The following PDSS2 variants were observed in gnomAD, a reference collection of about 807,000 sequenced individuals.
The protein encoded by PDSS2 is decaprenyl diphosphate synthase subunit 2, also known as all trans-polyprenyl-diphosphate synthase PDSS2.
A neutral mutation model predicts 44.5 loss-of-function variants in PDSS2; 31 were observed. That is an observed-to-expected ratio of 0.70 (90% CI 0.52 to 0.94). PDSS2 has a LOEUF of 0.94. Among genes scored for constraint, PDSS2 ranks in the 40% least tolerant of loss-of-function variants. The pLI is 0.00. For missense variants in PDSS2, 452 were observed against 482.2 expected (o/e 0.94, Z 0.59); for synonymous variants, 157 against 180.3 (o/e 0.87, Z 1.03).
In PDSS2 at chr6:107,154,287, G is replaced by A. The variant is rs1770806293; in HGVS notation, c.*332C>T. ...CTAGCAGGAAAAACCACAGGCCACC[G>A]CCCTGGCGCCATCCCTGGCTCGGTC... On this transcript the variant is annotated 3_prime_UTR_variant, in exon 8 of 8. Coordinates refer to ENST00000369037, the MANE Select transcript of PDSS2 (RefSeq NM_020381.4). The A allele has an allele frequency of 2.9e-6, 1 of 343,640 alleles. No homozygotes were observed. The allele number at this position is 343,640 out of a possible 1,614,324, so 21.3% of individuals were successfully genotyped here.
intron 1 of PDSS2, among the ~76,000 whole-genome samples, chr6:107,434,553 C>A (rs1000506965): frequency 1.3e-5 from 2 of 152,070 alleles, no homozygotes; most frequent in African/African-American, 2.4e-5. Context: ...AAAATTAAAA[C>A]AATTGAACTT....
chr6:107,281,801 G>A (rs1775967472), intron 2 of PDSS2, among the ~76,000 whole-genome samples: 1 of 152,120 alleles, frequency 6.6e-6, no homozygotes, highest in African/African-American at 2.4e-5. Flanking sequence ...CTCTCTCCCT[G>A]CCACCCCCTT....
At chr6:107,290,345 T>C (rs1430092415) in intron 2 of PDSS2, among the ~76,000 whole-genome samples, 2 of 152,190 alleles carry the variant, frequency 1.3e-5, no homozygotes, top group Non-Finnish European at 2.9e-5. Context: ...TGAAAGATAC[T>C]TTTTAGATGT....
At chr6:107,240,427 A>T (rs1284154016) in intron 4 of PDSS2, among the ~76,000 whole-genome samples, 1 of 139,562 alleles carries the variant, frequency 7.2e-6, no homozygotes, top group African/African-American at 2.7e-5. Context: ...TTGAAACTGC[A>T]GTCTCACTCT....
At chr6:107,221,493 G>GAT (rs922972009) in intron 4 of PDSS2, among the ~76,000 whole-genome samples, 15 of 151,372 alleles carry the variant, frequency 9.9e-5, no homozygotes, top group African/African-American at 3.6e-4. Flanking sequence ...CCTGAAAGGT[G>GAT]ATAGATGTCA....
chr6:107,434,332 A>G (rs1336182566), intron 1 of PDSS2, among the ~76,000 whole-genome samples: 3 of 152,362 alleles, frequency 2.0e-5, no homozygotes, highest in East Asian at 3.9e-4. Context: ...TGTTCACAAT[A>G]GCCAAGATGT....
intron 1 of PDSS2, among the ~76,000 whole-genome samples, chr6:107,387,086 T>G (rs1176248830): frequency 1.3e-5 from 2 of 152,256 alleles, no homozygotes; most frequent in African/African-American, 4.8e-5. Context: ...ACCAACCTGT[T>G]GCACTCTGCT....
At chr6:107,297,696 C>A (rs1776556789) in intron 2 of PDSS2, among the ~76,000 whole-genome samples, 1 of 150,990 alleles carries the variant, frequency 6.6e-6, no homozygotes, top group African/African-American at 2.4e-5. Context: ...GAATTTAAGG[C>A]TCATGAAAGG....
chr6:107,447,191 C>T (rs1006781986), intron 1 of PDSS2, among the ~76,000 whole-genome samples: 52 of 152,102 alleles, frequency 3.4e-4, no homozygotes, highest in African/African-American at 1.3e-3. Flanking sequence ...AAAAAATTAG[C>T]CAGGCATGGT....
intron 4 of PDSS2, chr6:107,229,844 T>C (rs998117719): frequency 3.7e-5 from 6 of 163,488 alleles, no homozygotes; most frequent in African/African-American, 1.4e-4. Context: ...GTAATTGATG[T>C]CCTTTATCCT....
At chr6:107,260,112 C>A (rs1374103369) in intron 3 of PDSS2, among the ~76,000 whole-genome samples, 2 of 152,154 alleles carry the variant, frequency 1.3e-5, no homozygotes, top group Non-Finnish European at 1.5e-5. Context: ...TCCAACAAAC[C>A]CACTTTAAAG....
chr6:107,200,956 C>T (rs1042585849), intron 6 of PDSS2, among the ~76,000 whole-genome samples: 2 of 152,062 alleles, frequency 1.3e-5, no homozygotes, highest in South Asian at 2.1e-4. Context: ...TGAGTCACTG[C>T]GGCCAGCCAG....
At chr6:107,197,480 CAAAAAAAA>C (rs1211356401) in intron 6 of PDSS2, among the ~76,000 whole-genome samples, 3 of 82,428 alleles carry the variant, frequency 3.6e-5, no homozygotes, top group African/African-American at 1.3e-4. Context: ...ACCCCCATCT[CAAAAAAAA>C]AAAAAAAAAA....
At chr6:107,349,491 G>T (rs1162363276) in intron 1 of PDSS2, among the ~76,000 whole-genome samples, 4 of 151,712 alleles carry the variant, frequency 2.6e-5, no homozygotes, top group Non-Finnish European at 5.9e-5. Flanking sequence ...GCTCATGCCT[G>T]TAATCCCAGC....
chr6:107,211,507 A>G (rs562724823), intron 5 of PDSS2, among the ~76,000 whole-genome samples: 34 of 151,882 alleles, frequency 2.2e-4, no homozygotes, highest in South Asian at 6.2e-4. Context: ...CAAGGCGGGC[A>G]GATCACGAGG....
In PDSS2 at chr6:107,446,453, G is replaced by T. The variant is rs1281170955; in HGVS notation, c.296+12537C>A. Among the ~76,000 whole-genome samples, 5 of 152,284 alleles carry T rather than the reference G, an allele frequency of 3.3e-5. No individual in the cohort carries two copies. In the East Asian group the frequency reaches 9.6e-4, roughly 29 times the overall value. On this transcript the variant is annotated intron_variant, in intron 1 of 7. Coordinates refer to ENST00000369037, the MANE Select transcript of PDSS2 (RefSeq NM_020381.4). Reference sequence around the variant, plus strand: ...TAAAACCAAAAAATTGATATTGATAGATTGTTAACTACAGACCTTATTCCA... The same window carrying T: ...TAAAACCAAAAAATTGATATTGATATATTGTTAACTACAGACCTTATTCCA...
At chr6:107,361,225 C>T (rs1022093791) in intron 1 of PDSS2, among the ~76,000 whole-genome samples, 2 of 152,060 alleles carry the variant, frequency 1.3e-5, no homozygotes, top group East Asian at 3.8e-4. Flanking sequence ...AATTCAGGTT[C>T]TTGTGGTATT....
At chr6:107,177,501 T>G (rs1030922391) in intron 7 of PDSS2, among the ~76,000 whole-genome samples, 4 of 152,208 alleles carry the variant, frequency 2.6e-5, no homozygotes, top group African/African-American at 2.4e-5. Flanking sequence ...GTTAGTAATA[T>G]AGAATTATAT....
At chr6:107,158,433 C>T (rs112949817) in intron 7 of PDSS2, among the ~76,000 whole-genome samples, 13 of 152,194 alleles carry the variant, frequency 8.5e-5, no homozygotes, top group African/African-American at 2.9e-4. Flanking sequence ...GATCTGCCCA[C>T]CTCAGCCTCC....
Sources: allele counts gnomAD v4.1 joint callset (sites outside exome capture counted in the v4.1 genomes callset), GRCh38; gene constraint gnomAD v4.1.1; transcripts MANE v1.5; gene names NCBI Gene and HGNC (gene_info 2026-07-23, HGNC 2026-07-21).